The following GFRA1 variants were observed in gnomAD, a reference collection of about 807,000 sequenced individuals.
GFRA1 encodes the protein GDNF family receptor alpha-1.
GFRA1 carries 16 observed loss-of-function variants against 51.6 expected under a neutral mutation model. The ratio of observed to expected loss-of-function variants is 0.31; its 90% CI spans 0.21 to 0.47. GFRA1 has a LOEUF of 0.47. Among genes scored for constraint, GFRA1 ranks in the 20% least tolerant of loss-of-function variants. The pLI is 1.00. For synonymous variants in GFRA1, 270 were observed against 241.3 expected (o/e 1.12, Z -1.10); for missense variants, 530 against 594.3 (o/e 0.89, Z 1.13).
chr10:116,166,423 C>T (rs1172329589), intron 5 of GFRA1, among the ~76,000 whole-genome samples: 2 of 152,192 alleles, frequency 1.3e-5, no homozygotes, highest in Non-Finnish European at 2.9e-5. Flanking sequence ...TATTTAAATC[C>T]ACCACACCAC....
intron 6 of GFRA1, among the ~76,000 whole-genome samples, chr10:116,098,987 A>G (rs923835942): frequency 2.0e-5 from 3 of 152,202 alleles, no homozygotes; most frequent in African/African-American, 7.2e-5. Flanking sequence ...GTGGATGGGA[A>G]GAGAGTTTTG....
chr10:116,269,346 C>T (rs1969911935), intron 4 of GFRA1, among the ~76,000 whole-genome samples, 157 bp downstream of exon 4: 1 of 152,206 alleles, frequency 6.6e-6, no homozygotes, highest in South Asian at 2.1e-4. Context: ...CATCTCTAGG[C>T]ATTATGCCTC....
chr10:116,145,187 A>T (rs1297438415), intron 5 of GFRA1, among the ~76,000 whole-genome samples: 2 of 149,036 alleles, frequency 1.3e-5, no homozygotes, highest in African/African-American at 4.9e-5. Context: ...AAAAACTTAC[A>T]ACAACAACAA....
chr10:116,093,520 G>A (rs1956441105), intron 8 of GFRA1, among the ~76,000 whole-genome samples, 182 bp downstream of exon 8: 1 of 152,124 alleles, frequency 6.6e-6, no homozygotes, highest in Non-Finnish European at 1.5e-5. Flanking sequence ...AAAGGAGCTG[G>A]ATTTACCATC....
chr10:116,078,011 A>C (rs1221102468), intron 9 of GFRA1, among the ~76,000 whole-genome samples: 2 of 152,240 alleles, frequency 1.3e-5, no homozygotes, highest in African/African-American at 4.8e-5. Context: ...TAGTTACGGA[A>C]TAGCTGCCAC....
intron 5 of GFRA1, among the ~76,000 whole-genome samples, chr10:116,204,435 C>T (rs1232654958): frequency 1.3e-5 from 2 of 152,362 alleles, no homozygotes; most frequent in East Asian, 1.9e-4. Flanking sequence ...GCAATAAGCA[C>T]ACCTAACACC....
chr10:116,134,678 C>T (rs1958246844), intron 5 of GFRA1, among the ~76,000 whole-genome samples: 1 of 152,186 alleles, frequency 6.6e-6, no homozygotes. Flanking sequence ...AAGCTGCAAG[C>T]CATACCCAAG....
At chr10:116,255,146 A>G (rs1268734906) in intron 4 of GFRA1, among the ~76,000 whole-genome samples, 1 of 152,208 alleles carries the variant, frequency 6.6e-6, no homozygotes, top group East Asian at 1.9e-4. Flanking sequence ...CGACTTCTTT[A>G]TATTTTGCTT....
At chr10:116,086,336 G>A (rs541044532) in intron 9 of GFRA1, among the ~76,000 whole-genome samples, 9 of 152,156 alleles carry the variant, frequency 5.9e-5, no homozygotes, top group African/African-American at 1.9e-4. Flanking sequence ...ACTGACTTGG[G>A]ATCAGACACC....
rs79825281 is a variant in GFRA1 at position 116,098,953 on chromosome 10, T to A, written c.771-2189A>T. On this transcript the variant is annotated intron_variant, in intron 6 of 10. Coordinates refer to ENST00000355422, the MANE Select transcript of GFRA1 (RefSeq NM_005264.8). ...CTTTTTGAGAGATCATCGGCACATATCCTGGCCCTATGACCCACAGCCAGT... is the reference window on the plus strand; with the variant it reads ...CTTTTTGAGAGATCATCGGCACATAACCTGGCCCTATGACCCACAGCCAGT... 5.2e-3 allele frequency among the ~76,000 whole-genome samples: 787 copies of A among 152,298 alleles called. 10 individuals are homozygous for A. The highest frequency in any genetic ancestry group is 0.018 in the African/African-American group (736 of 41,558).
At chr10:116,186,782 G>A (rs961735381) in intron 5 of GFRA1, among the ~76,000 whole-genome samples, 4 of 152,044 alleles carry the variant, frequency 2.6e-5, no homozygotes, top group Non-Finnish European at 4.4e-5. Context: ...TGACAAATGA[G>A]AATACCATAT....
chr10:116,157,162 T>C (rs1240707652), intron 5 of GFRA1, among the ~76,000 whole-genome samples: 1 of 152,232 alleles, frequency 6.6e-6, no homozygotes, highest in Non-Finnish European at 1.5e-5. Flanking sequence ...ATTAGCTCTC[T>C]GGGCGCCATT....
intron 6 of GFRA1, among the ~76,000 whole-genome samples, chr10:116,121,219 G>A (rs530637682): frequency 2.6e-5 from 4 of 152,108 alleles, no homozygotes; most frequent in Non-Finnish European, 5.9e-5. Context: ...GCTTCCATTC[G>A]GCCCAAACCA....
intron 9 of GFRA1, among the ~76,000 whole-genome samples, chr10:116,086,646 C>G (rs1226848080): frequency 6.6e-6 from 1 of 152,112 alleles, no homozygotes; most frequent in African/African-American, 2.4e-5. Flanking sequence ...CTAAGGGCTC[C>G]CTGGGAGTCA....
intron 5 of GFRA1, 28 bp from the exon 6 acceptor site, chr10:116,125,585 G>A (rs776989854): frequency 6.4e-7 from 1 of 1,556,706 alleles, no homozygotes; most frequent in Non-Finnish European, 8.8e-7. Flanking sequence ...GACAGGCATG[G>A]TCACAGTGCT....
At chr10:116,083,923 G>A (rs776822480) in intron 9 of GFRA1, among the ~76,000 whole-genome samples, 1 of 152,152 alleles carries the variant, frequency 6.6e-6, no homozygotes, top group Non-Finnish European at 1.5e-5. Context: ...CAAACATTAG[G>A]CTGCATCCTA....
intron 5 of GFRA1, among the ~76,000 whole-genome samples, chr10:116,138,091 G>A (rs916379218): frequency 5.9e-5 from 9 of 152,114 alleles, no homozygotes; most frequent in Non-Finnish European, 7.4e-5. Flanking sequence ...CTGAGTCACC[G>A]CGCCCGGCCT....
At chr10:116,097,537 G>A (rs2694776) in intron 6 of GFRA1, among the ~76,000 whole-genome samples, 19,639 of 152,178 alleles carry the variant, frequency 0.13, 1,283 homozygotes, top group Non-Finnish European at 0.14. Context: ...GACAGAAGCC[G>A]CAGACACGCT....
At chr10:116,167,656 A>C (rs1338304908) in intron 5 of GFRA1, among the ~76,000 whole-genome samples, 2 of 152,118 alleles carry the variant, frequency 1.3e-5, no homozygotes, top group Non-Finnish European at 2.9e-5. Flanking sequence ...TTTAACGTGC[A>C]GAACAGTCCA....
Sources: gnomAD v4.1 joint callset for allele counts (sites outside exome capture counted in the v4.1 genomes callset) on GRCh38, gnomAD v4.1.1 for gene constraint, MANE v1.5 for transcripts, NCBI Gene and HGNC (gene_info 2026-07-23, HGNC 2026-07-21) for gene names.